Variants in ENTREP2 observed in about 807,000 individuals in gnomAD.
ENTREP2 encodes protein ENTREP2.
the ENTREP2 span, among the ~76,000 whole-genome samples, chr15:29,364,102 A>G: frequency 6.6e-6 from 1 of 152,208 alleles, no homozygotes; most frequent in Non-Finnish European, 1.5e-5. Context: ...TCTATTTTGT[A>G]GCTTCTAATT....
the ENTREP2 span, among the ~76,000 whole-genome samples, chr15:29,586,847 C>T: frequency 2.6e-5 from 4 of 151,846 alleles, no homozygotes; most frequent in African/African-American, 9.7e-5. Context: ...TTTTTAAAAA[C>T]GAGTTGAATG....
the ENTREP2 span, among the ~76,000 whole-genome samples, chr15:29,629,951 T>C: frequency 6.6e-6 from 1 of 152,116 alleles, no homozygotes; most frequent in African/African-American, 2.4e-5. Flanking sequence ...ACCCCATCTC[T>C]ACTAAAAATA....
the ENTREP2 span, among the ~76,000 whole-genome samples, chr15:29,595,396 G>T: frequency 1.3e-5 from 2 of 152,188 alleles, no homozygotes; most frequent in East Asian, 3.9e-4. Flanking sequence ...ACCTTAATCT[G>T]GTAGATTTGT....
At chr15:29,202,138 T>C in the ENTREP2 span, among the ~76,000 whole-genome samples, 3 of 152,170 alleles carry the variant, frequency 2.0e-5, no homozygotes, top group Non-Finnish European at 2.9e-5. Flanking sequence ...TTCCCAGACA[T>C]TGGGAATTTG....
chr15:29,487,046 T>C, the ENTREP2 span, among the ~76,000 whole-genome samples: 3 of 152,316 alleles, frequency 2.0e-5, no homozygotes, highest in African/African-American at 4.8e-5. Context: ...GGATTTTCAA[T>C]GTTCACAACA....
the ENTREP2 span, among the ~76,000 whole-genome samples, chr15:29,661,043 T>C: frequency 2.7e-5 from 4 of 146,460 alleles, no homozygotes; most frequent in Non-Finnish European, 4.4e-5. Context: ...ATTAAGAGTG[T>C]GGTTGTAATT....
the ENTREP2 span, among the ~76,000 whole-genome samples, chr15:29,309,268 A>G: frequency 1.3e-5 from 2 of 152,306 alleles, no homozygotes; most frequent in Non-Finnish European, 2.9e-5. Context: ...ATCCCTTTTA[A>G]AATAGTTTCA....
chr15:29,371,135 A>G, the ENTREP2 span, among the ~76,000 whole-genome samples: 1 of 152,096 alleles, frequency 6.6e-6, no homozygotes, highest in Non-Finnish European at 1.5e-5. Flanking sequence ...TGGGGAAGAA[A>G]GAGACAAATG....
chr15:29,126,553 G>A, the ENTREP2 span: 2 of 1,420,132 alleles, frequency 1.4e-6, no homozygotes, highest in African/African-American at 2.8e-5. Context: ...CGTGGGACAG[G>A]CCTGCCCCTC....
chr15:29,185,675 C>CCT, the ENTREP2 span, among the ~76,000 whole-genome samples: 3 of 152,188 alleles, frequency 2.0e-5, no homozygotes, highest in Admixed American at 6.5e-5. Context: ...GATTCTCCTG[C>CCT]CTCAGCCTCC....
the ENTREP2 span, among the ~76,000 whole-genome samples, chr15:29,475,159 C>T: frequency 6.6e-6 from 1 of 152,022 alleles, no homozygotes; most frequent in African/African-American, 2.4e-5. Context: ...TGTGGGACCC[C>T]GGACAGCCTT....
At chr15:29,435,499 TA>T in the ENTREP2 span, among the ~76,000 whole-genome samples, 2 of 152,108 alleles carry the variant, frequency 1.3e-5, no homozygotes, top group Non-Finnish European at 2.9e-5. Context: ...TTATGTTTGT[TA>T]ATATCCTTTT....
the ENTREP2 span, among the ~76,000 whole-genome samples, chr15:29,330,661 C>T: frequency 2.0e-5 from 3 of 151,976 alleles, no homozygotes; most frequent in African/African-American, 7.3e-5. Context: ...GGCGACGAAA[C>T]GTGATGTGGG....
At chr15:29,456,386 A>AGGAGAG in the ENTREP2 span, among the ~76,000 whole-genome samples, 1 of 152,316 alleles carries the variant, frequency 6.6e-6, no homozygotes, top group Admixed American at 6.5e-5. Context: ...CAGGTGCAGG[A>AGGAGAG]GGAGAGGGAG....
chr15:29,178,715 T>A, the ENTREP2 span, among the ~76,000 whole-genome samples: 11 of 152,150 alleles, frequency 7.2e-5, no homozygotes, highest in African/African-American at 2.7e-4. Context: ...TGTTTACAGT[T>A]CTTGAGTTCC....
chr15:29,605,322 T>C, the ENTREP2 span, among the ~76,000 whole-genome samples: 1 of 152,186 alleles, frequency 6.6e-6, no homozygotes, highest in African/African-American at 2.4e-5. Flanking sequence ...CGAAAGTCAA[T>C]TGGCCTCCCA....
the ENTREP2 span, among the ~76,000 whole-genome samples, chr15:29,504,759 T>C: frequency 2.0e-5 from 3 of 152,248 alleles, no homozygotes; most frequent in Non-Finnish European, 4.4e-5. Context: ...AAAGCAGTCA[T>C]GAGTAATTCA....
At chr15:29,572,881 A>G in the ENTREP2 span, among the ~76,000 whole-genome samples, 1 of 149,446 alleles carries the variant, frequency 6.7e-6, no homozygotes, top group South Asian at 2.2e-4. Flanking sequence ...ATTTGAAAAG[A>G]GTTTTCTGAC....
At chr15:29,219,844 T>C in the ENTREP2 span, among the ~76,000 whole-genome samples, 1 of 150,780 alleles carries the variant, frequency 6.6e-6, no homozygotes, top group African/African-American at 2.4e-5. Flanking sequence ...AGTAATACAA[T>C]GGACTGTGGG....
Sources: gnomAD v4.1 joint callset for allele counts (sites outside exome capture counted in the v4.1 genomes callset) on GRCh38, gnomAD v4.1.1 for gene constraint, MANE v1.5 for transcripts, NCBI Gene and HGNC (gene_info 2026-07-23, HGNC 2026-07-21) for gene names.